MED27: variants seen among roughly 807,000 people sequenced by gnomAD.
MED27 encodes the protein mediator complex subunit 27.
MED27 carries 30 observed loss-of-function variants against 38.2 expected under a neutral mutation model. That is an observed-to-expected ratio of 0.79 (90% CI 0.59 to 1.07). MED27 has a LOEUF of 1.07. Among genes scored for constraint, MED27 ranks in the 50% least tolerant of loss-of-function variants. The pLI, the probability that MED27 is intolerant of heterozygous loss-of-function variation, is 0.00. For synonymous variants in MED27, 122 were observed against 153.5 expected, an observed-to-expected ratio of 0.79 and a Z score of 1.52; for missense variants, 289 against 397.5, an observed-to-expected ratio of 0.73 and a Z score of 2.32.
chr9:132,030,433 C>T (rs372188399), intron 2 of MED27, among the ~76,000 whole-genome samples: 2 of 152,120 alleles, frequency 1.3e-5, no homozygotes, highest in African/African-American at 2.4e-5. Flanking sequence ...TTAAAACCAG[C>T]GTGCACCTAA....
intron 3 of MED27, among the ~76,000 whole-genome samples, chr9:131,999,122 C>T (rs1036722780): frequency 9.9e-5 from 15 of 152,150 alleles, no homozygotes; most frequent in African/African-American, 3.1e-4. Context: ...CCCAGCAAAT[C>T]GAACTCCCTG....
intron 2 of MED27, among the ~76,000 whole-genome samples, chr9:132,074,961 C>A (rs2131171513): frequency 6.6e-6 from 1 of 152,336 alleles, no homozygotes; most frequent in Admixed American, 6.5e-5. Flanking sequence ...TACACACAGC[C>A]TCAGCAGGAA....
rs368469316 is a variant in MED27, at chr9:131,941,294, T to C, written c.480-1820A>G. On this transcript the variant is annotated intron_variant, in intron 3 of 7. Coordinates refer to ENST00000292035, the MANE Select transcript of MED27 (RefSeq NM_004269.4). The stretch of plus-strand genomic sequence containing the variant: ...AGTCAGGGACATATAAAAGGTATAT[T>C]CTCTTGGGGTAAGAGGGAGATTAGT... Among the ~76,000 whole-genome samples, 13 of 152,346 alleles carry C rather than the reference T, an allele frequency of 8.5e-5. No individual in the cohort carries two copies. The South Asian group carries it at 1.5e-3, about 17-fold the overall frequency.
Position 131,896,329 on chromosome 9 carries a change from C to T in MED27, c.574-2337G>A, listed in dbSNP as rs182634297. 4.3e-3 allele frequency among the ~76,000 whole-genome samples: 649 copies of T among 152,334 alleles called. 7 individuals carry two copies. The highest frequency in any genetic ancestry group is 0.013 in the South Asian group (64 of 4,828). ...CACTGTTTGTAACTGCACATTTTAA[C>T]TTTCTTTGCTAATAAGCCTAGGTGA... On this transcript the variant is annotated intron_variant, in intron 4 of 7. Transcript: ENST00000292035.
At chr9:131,960,225 A>G (rs887295755) in intron 3 of MED27, among the ~76,000 whole-genome samples, 1 of 152,210 alleles carries the variant, frequency 6.6e-6, no homozygotes, top group African/African-American at 2.4e-5. Context: ...CAGGTCTTCG[A>G]ATTCTTAAAT....
rs143466340 is a variant in MED27, at chr9:131,861,516, T to C, written c.802-844A>G. On this transcript the variant is annotated intron_variant, in intron 7 of 7. Coordinates refer to ENST00000292035, the MANE Select transcript of MED27 (RefSeq NM_004269.4). The surrounding 1 kb of genome is among the most constrained non-coding windows in gnomAD (Gnocchi z 4.4). ...TCCATCTTCACCACAGCTGCCTTCA[T>C]GGTGACAGGGCATGGCCCATCAGTA... Among the ~76,000 whole-genome samples, 343 of 152,352 alleles carry C rather than the reference T, an allele frequency of 2.3e-3. 3 individuals are homozygous for C. The highest frequency in any genetic ancestry group is 8.3e-3 in the East Asian group (43 of 5,186).
intron 1 of MED27, among the ~76,000 whole-genome samples, chr9:132,078,273 C>T (rs930093579): frequency 1.3e-5 from 2 of 152,062 alleles, no homozygotes; most frequent in African/African-American, 4.8e-5. Context: ...CTTCTTATGC[C>T]ACATTCATTT....
In MED27 at chr9:131,917,358, A is replaced by T. The variant is rs1830310907; in HGVS notation, c.573+22023T>A. Among the ~76,000 whole-genome samples, 1 of 152,182 alleles carries T rather than the reference A, an allele frequency of 6.6e-6. No homozygotes were observed. Among genetic ancestry groups the T allele is most frequent in the African/African-American group, 2.4e-5 (1 of 41,444 alleles). ...TGAGGCCGGGTTATACAGACCATGT[A>T]CACCACCTATCCTAGAAAGGGGGGG... On this transcript the variant is annotated intron_variant, in intron 4 of 7. Transcript: ENST00000292035. This position sits in a 1 kb window ranked among gnomAD's most constrained non-coding sequence, Gnocchi z 4.6.
intron 6 of MED27, chr9:131,868,694 GC>G: frequency 1.0e-6 from 1 of 985,476 alleles, no homozygotes; most frequent in Non-Finnish European, 1.2e-6. Flanking sequence ...CCAGGCCTCT[GC>G]CCACCTCCTA....
Position 132,003,436 on chromosome 9 carries a change from C to T in MED27, c.479+10901G>A, listed in dbSNP as rs535001307. Among the ~76,000 whole-genome samples the T allele has an allele frequency of 2.6e-5, 4 of 152,266 alleles. No homozygotes were observed. Among genetic ancestry groups the T allele is most frequent in the African/African-American group, 9.6e-5 (4 of 41,550 alleles). The stretch of plus-strand genomic sequence containing the variant: ...CGATGGGTCTGAGACAAACCCAGGT[C>T]AGGTTAGCTGAGAGTGAGGCCAGGA... On this transcript the variant is annotated intron_variant, in intron 3 of 7. Transcript: ENST00000292035. The surrounding 1 kb of genome is among the most constrained non-coding windows in gnomAD (Gnocchi z 4.2).
intron 3 of MED27, among the ~76,000 whole-genome samples, chr9:131,969,772 G>A (rs1831435524): frequency 1.3e-5 from 2 of 152,168 alleles, no homozygotes; most frequent in African/African-American, 4.8e-5. Flanking sequence ...AGGCCCTGAG[G>A]CAACCTCTCA....
At chr9:131,948,847 T>C (rs1457087656) in intron 3 of MED27, among the ~76,000 whole-genome samples, 1 of 152,212 alleles carries the variant, frequency 6.6e-6, no homozygotes, top group South Asian at 2.1e-4. Context: ...GTCTTCTCCT[T>C]AGTAGCTCTT....
In MED27 at chr9:131,869,485, C is replaced by G. The variant is rs565223159; in HGVS notation, c.724-6345G>C. The G allele has an allele frequency of 5.6e-6, 5 of 894,854 alleles. No individual in the cohort carries two copies. The South Asian group carries it at 2.0e-4, about 36-fold the overall frequency. The allele number at this position is 894,854 out of a possible 1,614,324, so 55.4% of individuals were successfully genotyped here. A position where few individuals can be genotyped will look rare whatever the true frequency, so the allele number is the denominator to read the frequency against. On this transcript the variant is annotated intron_variant, in intron 6 of 7. Coordinates refer to ENST00000292035, the MANE Select transcript of MED27 (RefSeq NM_004269.4). ...TTGTGCGGCAAAGCTAATGAGATTC[C>G]GCTGGGAGATAAAAGCCGCCCTCCC...
At chr9:131,901,148 T>C (rs1422121526) in intron 4 of MED27, among the ~76,000 whole-genome samples, 1 of 147,372 alleles carries the variant, frequency 6.8e-6, no homozygotes, top group Admixed American at 6.7e-5. Context: ...AAGGAGGGGC[T>C]GGCGGGCACA....
At chr9:131,956,786 G>A (rs1218181226) in intron 3 of MED27, among the ~76,000 whole-genome samples, 1 of 148,678 alleles carries the variant, frequency 6.7e-6, no homozygotes, top group African/African-American at 2.5e-5. Context: ...AATAAATGCA[G>A]AAAAAACGTT....
In MED27 at chr9:131,982,567, C is replaced by T. The variant is rs573429290; in HGVS notation, c.479+31770G>A. On this transcript the variant is annotated intron_variant, in intron 3 of 7. Coordinates refer to ENST00000292035, the MANE Select transcript of MED27 (RefSeq NM_004269.4). The surrounding 1 kb of genome is among the most constrained non-coding windows in gnomAD (Gnocchi z 4.3). ...ATGGCCTCATTTATTCTCATGACTA[C>T]CCATGAAGCAGATACTGTTATCCCC... Among the ~76,000 whole-genome samples, 6 of 152,262 alleles carry T rather than the reference C, an allele frequency of 3.9e-5. No individual in the cohort carries two copies. Among genetic ancestry groups the T allele is most frequent in the East Asian group, 1.9e-4 (1 of 5,184 alleles).
chr9:131,914,581 T>A (rs1439197078), intron 4 of MED27, among the ~76,000 whole-genome samples: 1 of 152,210 alleles, frequency 6.6e-6, no homozygotes, highest in Non-Finnish European at 1.5e-5. Context: ...AGAGCTCTCA[T>A]TCTAGTGGGT....
chr9:132,021,156 C>T (rs994759928), intron 2 of MED27, among the ~76,000 whole-genome samples: 1 of 152,178 alleles, frequency 6.6e-6, no homozygotes, highest in African/African-American at 2.4e-5. Context: ...TAAACAGAGA[C>T]GATGGATAGC....
intron 4 of MED27, among the ~76,000 whole-genome samples, chr9:131,912,071 C>T (rs149299932): frequency 6.6e-6 from 1 of 152,298 alleles, no homozygotes; most frequent in Admixed American, 6.5e-5. Context: ...CCCCGAGGAA[C>T]TGAGACTCTA....
Sources: allele counts gnomAD v4.1 joint callset (sites outside exome capture counted in the v4.1 genomes callset), GRCh38; gene constraint gnomAD v4.1.1; non-coding constraint Gnocchi (gnomAD v3.1); transcripts MANE v1.5; gene names NCBI Gene and HGNC (gene_info 2026-07-23, HGNC 2026-07-21).